Variants in TRAPPC11 observed in about 807,000 individuals in gnomAD.
The protein encoded by TRAPPC11 is foie gras homolog.
Under a neutral mutation model 151.2 loss-of-function variants are expected in TRAPPC11, and 104 were observed. That is an observed-to-expected ratio of 0.69 (90% CI 0.59 to 0.81). The LOEUF (loss-of-function observed/expected upper bound fraction) is 0.81, where lower values mean the gene tolerates loss of function less well. TRAPPC11 is among the 30% of genes least tolerant of loss of function. The pLI is 0.00. For synonymous variants in TRAPPC11, 456 were observed against 472.3 expected (o/e 0.97, Z 0.45); for missense variants, 1,230 against 1,349.6 (o/e 0.91, Z 1.39).
intron 1 of TRAPPC11, among the ~76,000 whole-genome samples, chr4:183,659,759 TTCTCA>T: frequency 6.6e-6 from 1 of 152,334 alleles, no homozygotes; most frequent in South Asian, 2.1e-4. Context: ...GGATTGTTGC[TTCTCA>T]TCTTTAACAT....
chr4:183,694,020 C>G lies in TRAPPC11; in HGVS notation c.2490C>G (p.Asp830Glu), dbSNP rs1020680380. ...PALLTDIPVG[D>E]LHPGEQLEKM... ...TACTCACTGACATTCCTGTTGGAGACTTACATCCAGGGGAACAGGTAAACT... is the reference window on the plus strand; with the variant it reads ...TACTCACTGACATTCCTGTTGGAGAGTTACATCCAGGGGAACAGGTAAACT... The change falls in exon 22 of 30, where the codon GAC (aspartate) becomes GAG (glutamate). Residue 830 changes from aspartate (D) to glutamate (E), a missense_variant. Physicochemically the swap from Asp to Glu is conservative, Grantham distance 45. Transcript: ENST00000334690. The G allele has an allele frequency of 6.8e-6, 11 of 1,613,704 alleles. No homozygotes were observed. The South Asian group carries it at 9.9e-5, about 14-fold the overall frequency.
chr4:183,688,629 T>C (rs1736104124), intron 18 of TRAPPC11, among the ~76,000 whole-genome samples: 1 of 152,256 alleles, frequency 6.6e-6, no homozygotes, highest in African/African-American at 2.4e-5. Flanking sequence ...TAGAAATGAT[T>C]AGATGAAGCT....
intron 25 of TRAPPC11, among the ~76,000 whole-genome samples, chr4:183,698,835 G>A (rs917005075): frequency 1.3e-5 from 2 of 152,136 alleles, no homozygotes; most frequent in Non-Finnish European, 2.9e-5. Flanking sequence ...AAGGGTTGTT[G>A]TACGTACACT....
chr4:183,692,943 C>T lies in TRAPPC11; in HGVS notation c.2050-17C>T. 6.3e-7 allele frequency: 1 copy of T among 1,583,392 alleles called. No homozygotes were observed. The highest frequency in any genetic ancestry group is 8.6e-7 in the Non-Finnish European group (1 of 1,163,744). On this transcript the variant is annotated splice_polypyrimidine_tract_variant and intron_variant, in intron 19 of 29. Transcript: ENST00000334690. ...CATATGAGATGACATTTCCAACATC[C>T]TTTTTTTTCTTTTTAGATTACTTCA... is the stretch of plus-strand genomic sequence containing the variant.
In TRAPPC11 at chr4:183,697,720, G is replaced by C. The variant is rs1256042994; in HGVS notation, c.2736G>C (p.Leu912=). ...GGGTTTATGCTGACATCCCCTTTCT[G>C]TTGATGACGGACCTCTTAAGTGCCT... ...LERVYADIPF[L]LMTDLLSASP... Residue 912 remains leucine (L), a synonymous_variant, in exon 25 of 30, where the codon CTG becomes CTC. Coordinates refer to ENST00000334690, the MANE Select transcript of TRAPPC11 (RefSeq NM_021942.6). The C allele has an allele frequency of 6.2e-7, 1 of 1,614,156 alleles. No individual in the cohort carries two copies. The highest frequency in any genetic ancestry group is 8.5e-7 in the Non-Finnish European group (1 of 1,180,028).
At chr4:183,660,196 T>G (rs894658275) in intron 1 of TRAPPC11, among the ~76,000 whole-genome samples, 1 of 152,230 alleles carries the variant, frequency 6.6e-6, no homozygotes, top group Admixed American at 6.5e-5. Flanking sequence ...CCATTTCAGG[T>G]GACATAGGAG....
chr4:183,686,537 A>G (rs915232113), intron 17 of TRAPPC11, 81 bp from the exon 18 acceptor site: 92 of 1,527,918 alleles, frequency 6.0e-5, no homozygotes, highest in Non-Finnish European at 7.8e-5. Flanking sequence ...GTCTTTCTGA[A>G]GAATCAATTT....
rs1204607773 is a variant in TRAPPC11, at chr4:183,680,241, CT to C, written c.1089del (p.Ala364GlnfsTer11). On this transcript the variant is annotated frameshift_variant, in exon 10 of 30. Coordinates refer to ENST00000334690, the MANE Select transcript of TRAPPC11 (RefSeq NM_021942.6). LOFTEE classifies it high-confidence loss of function. Reference sequence around the variant, plus strand: ...ATACTATGCCCAGGAGCGGAAACAGCTTGCAAAAACCCTCTGTAACCACGAA... The same window carrying C: ...ATACTATGCCCAGGAGCGGAAACAGCTGCAAAAACCCTCTGTAACCACGAA... ...AAYYAQERKQ[L>X]AKTLCNHEAS... is the part of the protein sequence containing the mutation. 6.2e-7 allele frequency: 1 copy of C among 1,613,798 alleles called. No individual in the cohort carries two copies. The highest frequency in any genetic ancestry group is 1.1e-5 in the South Asian group (1 of 90,996).
intron 28 of TRAPPC11, among the ~76,000 whole-genome samples, 182 bp from the exon 29 acceptor site, chr4:183,708,225 A>T (rs1737174429): frequency 2.6e-5 from 4 of 152,192 alleles, no homozygotes; most frequent in Admixed American, 6.5e-5. Context: ...GCCATGTCCT[A>T]AACTCATACT....
At position 183,666,260 on chromosome 4, in the gene TRAPPC11, A is replaced by C. The variant is rs772669240; in HGVS notation, c.208A>C (p.Thr70Pro). The change falls in exon 3 of 30, where the codon ACT becomes CCT. Residue 70 changes from threonine to proline, a missense_variant. Physicochemically the swap from Thr to Pro is conservative, Grantham distance 38. Coordinates refer to ENST00000334690, the MANE Select transcript of TRAPPC11 (RefSeq NM_021942.6). ...HEYPKCRPKR[T>P]SYEWYIPKGI... ...CAATTTCTGCCAATGTTTGCAGAGA[A>C]CTTCATATGAGTGGTACATTCCTAA... 20 of 1,608,710 alleles carry C rather than the reference A, an allele frequency of 1.2e-5. No individual in the cohort carries two copies. The South Asian group carries it at 2.2e-4, about 18-fold the overall frequency.
intron 2 of TRAPPC11, among the ~76,000 whole-genome samples, chr4:183,665,929 C>CTTTTTTTTTTTTTTTTTTTTTTT (rs11462767): frequency 1.5e-5 from 2 of 137,888 alleles, no homozygotes; most frequent in Non-Finnish European, 1.5e-5. Context: ...AAATGGGCTA[C>CTTTTTTTTTTTTTTTTTTTTTTT]TTTTTTTTTT....
chr4:183,695,326 GACTTACA>G (rs1736484644), intron 23 of TRAPPC11, among the ~76,000 whole-genome samples: 1 of 152,096 alleles, frequency 6.6e-6, no homozygotes, highest in African/African-American at 2.4e-5. Flanking sequence ...TCTGTAAGTT[GACTTACA>G]TATAGAGGGT....
chr4:183,689,631 CTTTTTTT>C (rs777524576), intron 18 of TRAPPC11, among the ~76,000 whole-genome samples: 1 of 111,826 alleles, frequency 8.9e-6, no homozygotes, highest in Non-Finnish European at 1.9e-5. Flanking sequence ...CACAAGGACT[CTTTTTTT>C]TTTTTTTTTA....
At chr4:183,688,588 G>C (rs1736102368) in intron 18 of TRAPPC11, among the ~76,000 whole-genome samples, 1 of 152,172 alleles carries the variant, frequency 6.6e-6, no homozygotes, top group African/African-American at 2.4e-5. Context: ...ATTAGGATTT[G>C]ATTCATAAGA....
At chr4:183,660,900 G>T (rs1042946774) in intron 1 of TRAPPC11, among the ~76,000 whole-genome samples, 1 of 151,912 alleles carries the variant, frequency 6.6e-6, no homozygotes, top group African/African-American at 2.4e-5. Context: ...TTTTAGTAGA[G>T]ACGGGGTTTC....
chr4:183,663,973 G>A lies in TRAPPC11; in HGVS notation c.106G>A (p.Val36Ile), dbSNP rs530405458. The change falls in exon 2 of 30, where the codon GTC becomes ATC. Residue 36 changes from valine to isoleucine, a missense_variant. Val to Ile is a conservative substitution (Grantham distance 29). Transcript: ENST00000334690. ...AGTTTATAATGCAGTCCATCGAGCT[G>A]TCTGGGACGCCTTCTGTGCAAATCG... ...DVVYNAVHRA[V>I]WDAFCANRRA... 1.9e-6 allele frequency: 3 copies of A among 1,614,160 alleles called. No homozygotes were observed. The highest frequency in any genetic ancestry group is 1.1e-5 in the South Asian group (1 of 91,088).
rs987483156 is a variant in TRAPPC11 at position 183,692,066 on chromosome 4, G to A, written c.2049+595G>A. On this transcript the variant is annotated intron_variant, in intron 19 of 29. Coordinates refer to ENST00000334690, the MANE Select transcript of TRAPPC11 (RefSeq NM_021942.6). Reference sequence around the variant, plus strand: ...CAGCTCTCTAGCTTATTAGCTTGTGGCCCTGGGCAGTTACTTAGCTTCTTT... The same window carrying A: ...CAGCTCTCTAGCTTATTAGCTTGTGACCCTGGGCAGTTACTTAGCTTCTTT... Among the ~76,000 whole-genome samples, 4 of 152,134 alleles carry A rather than the reference G, an allele frequency of 2.6e-5. No homozygotes were observed. In the East Asian group the frequency reaches 7.7e-4, roughly 29 times the overall value.
intron 8 of TRAPPC11, among the ~76,000 whole-genome samples, chr4:183,678,587 A>ATT (rs1172341839): frequency 6.6e-6 from 1 of 152,232 alleles, no homozygotes; most frequent in Non-Finnish European, 1.5e-5. Context: ...GTCACAGATT[A>ATT]GCATATTTAG....
chr4:183,664,743 A>G (rs1734754823), intron 2 of TRAPPC11, among the ~76,000 whole-genome samples: 1 of 152,148 alleles, frequency 6.6e-6, no homozygotes, highest in Admixed American at 6.5e-5. Context: ...GTGATTTGTT[A>G]TTTATCATAA....
Sources: allele counts gnomAD v4.1 joint callset (sites outside exome capture counted in the v4.1 genomes callset), GRCh38; gene constraint gnomAD v4.1.1; transcripts MANE v1.5; gene names NCBI Gene and HGNC (gene_info 2026-07-23, HGNC 2026-07-21).